The following RBPJ variants were observed in gnomAD, a reference collection of about 807,000 sequenced individuals.
RBPJ encodes recombination signal binding protein for immunoglobulin kappa J region.
A neutral mutation model predicts 67.8 loss-of-function variants in RBPJ; 9 were observed. The observed-to-expected ratio is 0.13, with a 90% confidence interval of 0.08 to 0.23. The LOEUF is 0.23. Among genes scored for constraint, RBPJ ranks in the 10% least tolerant of loss-of-function variants. RBPJ has a pLI of 1.00. For missense variants in RBPJ, 305 were observed against 595.6 expected (o/e 0.51, Z 5.08); for synonymous variants, 198 against 203.3 (o/e 0.97, Z 0.22).
At chr4:26,203,511 C>T (rs1718063613) in intron 1 of RBPJ, among the ~76,000 whole-genome samples, 1 of 152,136 alleles carries the variant, frequency 6.6e-6, no homozygotes, top group Non-Finnish European at 1.5e-5. Context: ...TATCTCTGTG[C>T]TGTCTGTCTT....
At chr4:26,356,401 G>A (rs1727381156) in intron 1 of RBPJ, among the ~76,000 whole-genome samples, 1 of 152,224 alleles carries the variant, frequency 6.6e-6, no homozygotes, top group Admixed American at 6.5e-5. Context: ...GAAAGTAGGA[G>A]AGTGAATCTG....
intron 1 of RBPJ, among the ~76,000 whole-genome samples, chr4:26,382,171 T>C (rs1198333188): frequency 6.6e-6 from 1 of 152,228 alleles, no homozygotes; most frequent in South Asian, 2.1e-4. Flanking sequence ...AGACACCTTA[T>C]TTTTAAAATA....
At chr4:26,353,804 T>C (rs1440675675) in intron 1 of RBPJ, among the ~76,000 whole-genome samples, 1 of 151,454 alleles carries the variant, frequency 6.6e-6, no homozygotes, top group Non-Finnish European at 1.5e-5. Context: ...AGAGATGGGG[T>C]TTCACCATGT....
At chr4:26,320,485 A>G (rs772668403), upstream of RBPJ, 5 of 451,730 alleles carry the variant, frequency 1.1e-5, no homozygotes, top group Non-Finnish European at 2.0e-5. Context: ...AGATTAGCAT[A>G]AAGGAGGCGC....
At chr4:26,304,151 T>C (rs1722161737) in intron 1 of RBPJ, among the ~76,000 whole-genome samples, 2 of 152,246 alleles carry the variant, frequency 1.3e-5, no homozygotes, top group Non-Finnish European at 1.5e-5. Context: ...TAGCACGTTT[T>C]CAAGGTCCAT....
chr4:26,193,128 A>G (rs1449546476), intron 1 of RBPJ, among the ~76,000 whole-genome samples: 1 of 152,198 alleles, frequency 6.6e-6, no homozygotes. Flanking sequence ...TGGCACTTTT[A>G]GCTCCATTAA....
upstream of RBPJ, among the ~76,000 whole-genome samples, chr4:26,318,116 AACACACACACACGCACACAC>A (rs1366489487): frequency 2.6e-5 from 4 of 151,004 alleles, no homozygotes; most frequent in Non-Finnish European, 5.9e-5. Flanking sequence ...GGCAAACACA[AACACACACACACGCACACAC>A]ACACACACAC....
At chr4:26,274,016 T>C (rs1458146699) in intron 1 of RBPJ, among the ~76,000 whole-genome samples, 1 of 152,208 alleles carries the variant, frequency 6.6e-6, no homozygotes, top group Non-Finnish European at 1.5e-5. Flanking sequence ...TGTCACCTTG[T>C]CAGAGAAGTC....
At chr4:26,346,425 CT>C (rs1301816402) in intron 1 of RBPJ, among the ~76,000 whole-genome samples, 2 of 152,206 alleles carry the variant, frequency 1.3e-5, no homozygotes, top group Non-Finnish European at 2.9e-5. Context: ...TGCAAGTAAA[CT>C]TTCCCCTTGG....
At chr4:26,194,085 C>T (rs549678103) in intron 1 of RBPJ, among the ~76,000 whole-genome samples, 2 of 152,350 alleles carry the variant, frequency 1.3e-5, no homozygotes, top group South Asian at 2.1e-4. Flanking sequence ...TGCAAAGACA[C>T]GGGTAATAGC....
chr4:26,306,695 C>T (rs905915643), intron 1 of RBPJ, among the ~76,000 whole-genome samples: 22 of 151,868 alleles, frequency 1.4e-4, no homozygotes, highest in African/African-American at 4.8e-4. Context: ...CTGATCCACC[C>T]GCTTCAGCCT....
chr4:26,171,676 CATCAGAAAGG>C (rs1716591194), intron 1 of RBPJ, among the ~76,000 whole-genome samples: 1 of 152,224 alleles, frequency 6.6e-6, no homozygotes, highest in Non-Finnish European at 1.5e-5. Flanking sequence ...TCCTGGGTGA[CATCAGAAAGG>C]ATCAACTGCC....
intron 1 of RBPJ, among the ~76,000 whole-genome samples, chr4:26,247,574 C>G (rs916541339): frequency 2.0e-5 from 3 of 152,124 alleles, no homozygotes; most frequent in Non-Finnish European, 4.4e-5. Flanking sequence ...CCGCGTCCGG[C>G]TAATTTGGTA....
intron 1 of RBPJ, among the ~76,000 whole-genome samples, chr4:26,237,534 T>C (rs916404275): frequency 1.3e-5 from 2 of 152,230 alleles, no homozygotes; most frequent in African/African-American, 4.8e-5. Context: ...TCCATCATCT[T>C]GCAAACTTGT....
chr4:26,317,369 AGT>A (rs1722688111), upstream of RBPJ, among the ~76,000 whole-genome samples: 1 of 152,158 alleles, frequency 6.6e-6, no homozygotes, highest in South Asian at 2.1e-4. Flanking sequence ...TGGAGCTGAA[AGT>A]GTGCTTGGGG....
At chr4:26,210,743 C>CTTTCCTTCTTTA (rs59467495) in intron 1 of RBPJ, among the ~76,000 whole-genome samples, 19 of 70,408 alleles carry the variant, frequency 2.7e-4, no homozygotes, top group African/African-American at 1.0e-3. Flanking sequence ...TTACTTCTTT[C>CTTTCCTTCTTTA]CTTCTTTCCT....
intron 1 of RBPJ, among the ~76,000 whole-genome samples, chr4:26,227,794 A>G (rs768790385): frequency 2.0e-5 from 3 of 152,198 alleles, no homozygotes; most frequent in Non-Finnish European, 4.4e-5. Flanking sequence ...CCGCTGACAC[A>G]TGTCAGATGT....
At chr4:26,389,735 A>T (rs967928829) in intron 2 of RBPJ, among the ~76,000 whole-genome samples, 4 of 152,056 alleles carry the variant, frequency 2.6e-5, no homozygotes, top group African/African-American at 9.7e-5. Context: ...TGAAACTAGC[A>T]AACTACCAAA....
chr4:26,388,179 T>G (rs905825835), intron 2 of RBPJ, among the ~76,000 whole-genome samples: 1 of 152,098 alleles, frequency 6.6e-6, no homozygotes, highest in African/African-American at 2.4e-5. Context: ...TGTTTTTTTG[T>G]AGAGACAGGG....
Sources: gnomAD v4.1 joint callset for allele counts (sites outside exome capture counted in the v4.1 genomes callset) on GRCh38, gnomAD v4.1.1 for gene constraint, MANE v1.5 for transcripts, NCBI Gene and HGNC (gene_info 2026-07-23, HGNC 2026-07-21) for gene names.